The following MACROD2 variants were observed in gnomAD, a reference collection of about 807,000 sequenced individuals.
MACROD2 encodes mono-ADP ribosylhydrolase 2.
A neutral mutation model predicts 70.4 loss-of-function variants in MACROD2; 36 were observed. The ratio of observed to expected loss-of-function variants is 0.51; its 90% CI spans 0.39 to 0.68. MACROD2 has a LOEUF of 0.68. MACROD2 is among the 30% of genes least tolerant of loss of function. The probability of loss-of-function intolerance (pLI) is 0.00; values close to 1 mark genes in which losing one functional copy is unlikely to be tolerated. For synonymous variants in MACROD2, 172 were observed against 178.8 expected, an observed-to-expected ratio of 0.96 and a Z score of 0.30; for missense variants, 496 against 538.4, an observed-to-expected ratio of 0.92 and a Z score of 0.78.
At chr20:15,724,383 C>T (rs992529711) in intron 8 of MACROD2, among the ~76,000 whole-genome samples, 1 of 152,156 alleles carries the variant, frequency 6.6e-6, no homozygotes, top group African/African-American at 2.4e-5. Context: ...ATGCTATTCT[C>T]TAAGAGTCTT....
At chr20:14,634,251 C>A (rs184050139) in intron 4 of MACROD2, among the ~76,000 whole-genome samples, 1 of 152,216 alleles carries the variant, frequency 6.6e-6, no homozygotes, top group East Asian at 1.9e-4. Context: ...GCTTGAGTTA[C>A]ACTTTTCCAT....
intron 8 of MACROD2, among the ~76,000 whole-genome samples, chr20:15,585,363 A>AT (rs564389731): frequency 5.0e-4 from 76 of 151,556 alleles, no homozygotes; most frequent in African/African-American, 9.7e-4. Context: ...TGCCTAGATA[A>AT]TTTTTTGTAT....
At chr20:14,808,093 A>G (rs1226047532) in intron 5 of MACROD2, among the ~76,000 whole-genome samples, 1 of 152,052 alleles carries the variant, frequency 6.6e-6, no homozygotes, top group Non-Finnish European at 1.5e-5. Flanking sequence ...AATACAGAGA[A>G]CATTGCAAAG....
chr20:14,555,752 T>C (rs1978987951), intron 4 of MACROD2, among the ~76,000 whole-genome samples: 1 of 152,068 alleles, frequency 6.6e-6, no homozygotes, highest in Non-Finnish European at 1.5e-5. Flanking sequence ...TGGGGGACGT[T>C]GTGCTCTAGC....
chr20:14,030,472 G>A (rs1161822982), intron 2 of MACROD2, among the ~76,000 whole-genome samples: 1 of 152,012 alleles, frequency 6.6e-6, no homozygotes, highest in Non-Finnish European at 1.5e-5. Flanking sequence ...GCAGTGGCGT[G>A]ATTTCGGCTA....
At chr20:14,938,547 G>A (rs1050406663) in intron 5 of MACROD2, among the ~76,000 whole-genome samples, 2 of 152,054 alleles carry the variant, frequency 1.3e-5, no homozygotes, top group African/African-American at 4.8e-5. Flanking sequence ...TTGGGAGGCC[G>A]AGATGGGCCA....
chr20:14,854,524 T>C (rs2073232510), intron 5 of MACROD2, among the ~76,000 whole-genome samples: 1 of 152,142 alleles, frequency 6.6e-6, no homozygotes, highest in African/African-American at 2.4e-5. Context: ...TTATGTTTAA[T>C]TATGCCACAA....
chr20:15,767,921 A>T (rs1453910146), intron 8 of MACROD2, among the ~76,000 whole-genome samples: 1 of 152,154 alleles, frequency 6.6e-6, no homozygotes, highest in Non-Finnish European at 1.5e-5. Context: ...TTGTTAAGTA[A>T]AATTTTTTCA....
chr20:15,704,719 G>A (rs6043465), intron 8 of MACROD2, among the ~76,000 whole-genome samples: 38,795 of 151,864 alleles, frequency 0.26, 6,106 homozygotes, highest in African/African-American at 0.46. Context: ...GACATAAAAT[G>A]GACATAAAAT....
At chr20:15,920,780 A>G (rs2065392118) in intron 10 of MACROD2, among the ~76,000 whole-genome samples, 1 of 152,216 alleles carries the variant, frequency 6.6e-6, no homozygotes, top group African/African-American at 2.4e-5. Context: ...AGAGACTAGA[A>G]CAACATTTCT....
intron 2 of MACROD2, among the ~76,000 whole-genome samples, chr20:14,007,605 T>C (rs973744179): frequency 2.0e-5 from 3 of 152,242 alleles, no homozygotes; most frequent in African/African-American, 7.2e-5. Flanking sequence ...TGGGTAGATA[T>C]GATAGAAAGA....
intron 5 of MACROD2, chr20:15,197,150 T>C: frequency 5.9e-6 from 2 of 336,604 alleles, no homozygotes; most frequent in Non-Finnish European, 8.4e-6. Context: ...GACTCTTTTT[T>C]AAGGTACCTT....
At chr20:14,793,135 A>G (rs570192160) in intron 5 of MACROD2, among the ~76,000 whole-genome samples, 1 of 152,122 alleles carries the variant, frequency 6.6e-6, no homozygotes, top group East Asian at 1.9e-4. Context: ...TTCCTTAGTC[A>G]TTTATTAACC....
intron 6 of MACROD2, among the ~76,000 whole-genome samples, chr20:15,274,984 G>C (rs771212653): frequency 3.3e-5 from 5 of 152,128 alleles, no homozygotes; most frequent in Non-Finnish European, 5.9e-5. Context: ...AGGCAGTGTG[G>C]GACAAAGTCC....
At chr20:15,091,598 TG>T (rs1368857308) in intron 5 of MACROD2, among the ~76,000 whole-genome samples, 2 of 152,086 alleles carry the variant, frequency 1.3e-5, no homozygotes, top group Non-Finnish European at 2.9e-5. Flanking sequence ...ACTGGAATAA[TG>T]GGAACCCACG....
intron 5 of MACROD2, among the ~76,000 whole-genome samples, chr20:14,986,799 C>T (rs945452226): frequency 3.3e-5 from 5 of 152,166 alleles, no homozygotes; most frequent in East Asian, 1.9e-4. Context: ...CTTCTCTCCC[C>T]GTCACCTCCT....
At chr20:14,466,052 C>T (rs1301921844) in intron 3 of MACROD2, among the ~76,000 whole-genome samples, 3 of 152,006 alleles carry the variant, frequency 2.0e-5, no homozygotes, top group Admixed American at 6.6e-5. Flanking sequence ...GTGGCGTTTT[C>T]TGTATTTCCT....
chr20:14,333,367 TAAAAC>T (rs2082878364), intron 3 of MACROD2, among the ~76,000 whole-genome samples: 1 of 152,168 alleles, frequency 6.6e-6, no homozygotes, highest in Admixed American at 6.6e-5. Flanking sequence ...CAAGCATCCT[TAAAAC>T]AAAAAGGCAA....
At chr20:14,714,757 C>A (rs555318405) in intron 5 of MACROD2, among the ~76,000 whole-genome samples, 67 of 152,312 alleles carry the variant, frequency 4.4e-4, no homozygotes, top group Admixed American at 3.9e-4. Context: ...AATTTCAAGA[C>A]CTCCTTGACT....
Sources: allele counts gnomAD v4.1 joint callset (sites outside exome capture counted in the v4.1 genomes callset), GRCh38; gene constraint gnomAD v4.1.1; transcripts MANE v1.5; gene names NCBI Gene and HGNC (gene_info 2026-07-23, HGNC 2026-07-21).